USP9X: variants seen among roughly 807,000 people sequenced by gnomAD.
The protein encoded by USP9X is ubiquitin carboxyl-terminal hydrolase 9X.
In USP9X, 7 loss-of-function variants were observed where a neutral mutation model predicts 190.3. The observed-to-expected ratio is 0.04, with a 90% confidence interval of 0.02 to 0.07. The LOEUF (loss-of-function observed/expected upper bound fraction) is 0.07. Among genes scored for constraint, USP9X ranks in the 10% least tolerant of loss-of-function variants. USP9X has a pLI of 1.00. For missense variants in USP9X, 1,010 were observed against 1,916.9 expected, an observed-to-expected ratio of 0.53 and a Z score of 8.83; for synonymous variants, 645 against 659.5, an observed-to-expected ratio of 0.98 and a Z score of 0.34.
intron 44 of USP9X, 62 bp from the exon 45 acceptor site, chrX:41,232,325 G>A (rs2063368102): frequency 8.8e-7 from 1 of 1,131,665 alleles, no homozygotes; most frequent in Admixed American, 2.5e-5. Flanking sequence ...TTCAGACCAT[G>A]ATTTTGAAGT....
chrX:41,203,587 T>C (rs190777693), intron 31 of USP9X, among the ~76,000 whole-genome samples: 1 of 112,613 alleles, frequency 8.9e-6, no homozygotes, highest in Non-Finnish European at 1.9e-5. Flanking sequence ...TGAATAAGGC[T>C]GCCATGAACA....
chrX:41,174,756 A>T lies in USP9X; in HGVS notation c.3148+2798A>T, dbSNP rs1330188965. 7.2e-5 allele frequency among the ~76,000 whole-genome samples: 8 copies of T among 111,724 alleles called. No homozygotes were observed. The East Asian group carries it at 2.2e-3, about 31-fold the overall frequency. ...ATGCCTATCATCCCATCACTTTGGG[A>T]GGCCGAGGTGGGCAGATCGCTTGAG... On this transcript the variant is annotated intron_variant, in intron 21 of 44. Coordinates refer to ENST00000378308, the MANE Select transcript of USP9X (RefSeq NM_001039591.3).
intron 16 of USP9X, chrX:41,167,048 A>G (rs2062684086): frequency 7.8e-6 from 1 of 128,112 alleles, no homozygotes; most frequent in South Asian, 2.6e-4. Flanking sequence ...GGTTCTGAAC[A>G]TAGTTTGGAA....
chrX:41,116,570 C>T (rs2062148948), intron 1 of USP9X, among the ~76,000 whole-genome samples: 1 of 112,316 alleles, frequency 8.9e-6, no homozygotes, highest in African/African-American at 3.2e-5. Context: ...TCTTGGATAA[C>T]TTAGTTGTAT....
intron 21 of USP9X, among the ~76,000 whole-genome samples, chrX:41,181,272 C>CTTTT (rs769952292): frequency 0.031 from 2,367 of 75,379 alleles, 62 homozygotes; most frequent in Non-Finnish European, 0.047. Flanking sequence ...TTTCTCATTT[C>CTTTT]TTTTTTTTTT....
intron 15 of USP9X, among the ~76,000 whole-genome samples, 195 bp from the exon 16 acceptor site, chrX:41,165,677 A>G (rs2062673037): frequency 8.9e-6 from 1 of 111,967 alleles, no homozygotes; most frequent in African/African-American, 3.2e-5. Flanking sequence ...TGCTTGTTGA[A>G]TTAATTAATA....
At position 41,233,134 on chromosome X, in the gene USP9X, T is replaced by C. The variant is rs2063376160; in HGVS notation, c.*610T>C. ...TTTTCATTGCCTTTTTATTCTGATA[T>C]TAGGTTAATCACTTTGAAGCTATAG... On this transcript the variant is annotated 3_prime_UTR_variant, in exon 45 of 45. Transcript: ENST00000378308. 8.9e-6 allele frequency: 1 copy of C among 112,236 alleles called. No homozygotes were observed. The highest frequency in any genetic ancestry group is 3.2e-5 in the African/African-American group (1 of 30,902). 9.2% of individuals were successfully genotyped at this position (112,236 alleles called of 1,213,427 possible).
intron 31 of USP9X, among the ~76,000 whole-genome samples, chrX:41,202,108 A>G (rs750526621): frequency 8.9e-6 from 1 of 112,397 alleles, no homozygotes; most frequent in South Asian, 3.7e-4. Context: ...CTAAATTTTA[A>G]TTTTCTATTT....
rs759623425 is a variant in USP9X at position 41,161,635 on chromosome X, CTT to C, written c.1898-1133_1898-1132del. 6.0e-3 allele frequency among the ~76,000 whole-genome samples: 286 copies of C among 47,405 alleles called. 5 individuals are homozygous for C. The highest frequency in any genetic ancestry group is 0.047 in the East Asian group (65 of 1,381). 41.2% of individuals were successfully genotyped at this position (47,405 alleles called of 115,157 possible). A position where few individuals can be genotyped will look rare whatever the true frequency, so the allele number is the denominator to read the frequency against. Reference sequence around the variant, plus strand: ...ACAGGCGTGAGCCATGGCGCCCTGCCTTTTTTTTTTTTTTTTTTTTTTTAAAG... The same window carrying C: ...ACAGGCGTGAGCCATGGCGCCCTGCCTTTTTTTTTTTTTTTTTTTTTAAAG... On this transcript the variant is annotated intron_variant, in intron 14 of 44. Coordinates refer to ENST00000378308, the MANE Select transcript of USP9X (RefSeq NM_001039591.3).
intron 44 of USP9X, among the ~76,000 whole-genome samples, chrX:41,231,622 CAGG>C (rs1022121299): frequency 9.3e-5 from 10 of 107,601 alleles, no homozygotes; most frequent in African/African-American, 3.4e-4. Flanking sequence ...CCCAGCTACT[CAGG>C]AGGCTGAGGC....
At chrX:41,191,317 G>A (rs1195449279) in intron 26 of USP9X, among the ~76,000 whole-genome samples, 1 of 77,487 alleles carries the variant, frequency 1.3e-5, no homozygotes, top group Non-Finnish European at 2.4e-5. Context: ...CAATAAGAGT[G>A]AAACTCCATG....
chrX:41,143,331 G>A lies in USP9X; in HGVS notation c.1202G>A (p.Arg401Gln), dbSNP rs2147054243. 8.3e-7 allele frequency: 1 copy of A among 1,201,562 alleles called. No homozygotes were observed. Among genetic ancestry groups the A allele is most frequent in the Non-Finnish European group, 1.1e-6 (1 of 889,562 alleles). The change falls in exon 10 of 45, where the codon CGA becomes CAA. Residue 401 changes from arginine (R) to glutamine (Q), a missense_variant. Physicochemically the swap from Arg to Gln is conservative, Grantham distance 43 (BLOSUM62 1). Coordinates refer to ENST00000378308, the MANE Select transcript of USP9X (RefSeq NM_001039591.3). ...AACAATATCTTATCCATAGTGTTGC[G>A]AGATAGTCTTCATCAGCCACAGTAT... ...QQNNILSIVL[R>Q]DSLHQPQYVE...
At chrX:41,187,247 C>T (rs2062889225) in intron 24 of USP9X, among the ~76,000 whole-genome samples, 1 of 112,438 alleles carries the variant, frequency 8.9e-6, no homozygotes, top group Non-Finnish European at 1.9e-5. Flanking sequence ...GTAACTACTG[C>T]TCTTTTTGTC....
At chrX:41,093,606 G>T (rs904982891) in intron 1 of USP9X, among the ~76,000 whole-genome samples, 16 of 111,658 alleles carry the variant, frequency 1.4e-4, no homozygotes, top group East Asian at 5.6e-4. Flanking sequence ...GCTTCCCAAA[G>T]TGCTGGGATT....
rs2063306343 is a variant in USP9X, at chrX:41,225,685, A to G, written c.7061+548A>G. ...ATAAGCCTCTGTTTACATTTTTATC[A>G]ACCAGTCAATACATAACCTTGTTGT... is the stretch of plus-strand genomic sequence containing the variant. On this transcript the variant is annotated intron_variant, in intron 41 of 44. Coordinates refer to ENST00000378308, the MANE Select transcript of USP9X (RefSeq NM_001039591.3). Among the ~76,000 whole-genome samples the G allele has an allele frequency of 4.4e-5, 5 of 112,417 alleles. No homozygotes were observed. In the Admixed American group the frequency reaches 4.7e-4, roughly 11 times the overall value.
At chrX:41,208,990 G>A (rs779232149) in intron 32 of USP9X, among the ~76,000 whole-genome samples, 1 of 111,547 alleles carries the variant, frequency 9.0e-6, no homozygotes, top group East Asian at 2.8e-4. Flanking sequence ...TTACAGGCGT[G>A]AGCCACCGCG....
intron 21 of USP9X, among the ~76,000 whole-genome samples, chrX:41,182,416 T>C (rs1368574717): frequency 2.0e-5 from 2 of 101,625 alleles, no homozygotes; most frequent in African/African-American, 7.1e-5. Context: ...TGAGCTCTTC[T>C]TTTTTTTTTT....
At chrX:41,097,754 A>G (rs2062002792) in intron 1 of USP9X, among the ~76,000 whole-genome samples, 1 of 111,676 alleles carries the variant, frequency 9.0e-6, no homozygotes, top group Admixed American at 9.6e-5. Context: ...GCGATATAAT[A>G]CGTCATATAG....
chrX:41,168,582 C>A (rs1055328356), intron 18 of USP9X, among the ~76,000 whole-genome samples: 4 of 112,579 alleles, frequency 3.6e-5, no homozygotes, highest in Non-Finnish European at 5.6e-5. Flanking sequence ...TCATGGCTCA[C>A]TGCGGGCTCA....
Sources: allele counts gnomAD v4.1 joint callset (sites outside exome capture counted in the v4.1 genomes callset), GRCh38; gene constraint gnomAD v4.1.1; transcripts MANE v1.5; gene names NCBI Gene and HGNC (gene_info 2026-07-23, HGNC 2026-07-21).